Variants in RASGRP1 observed in about 807,000 individuals in gnomAD.
RASGRP1 encodes the protein RAS guanyl-releasing protein 1.
A neutral mutation model predicts 95.1 loss-of-function variants in RASGRP1; 37 were observed. That is an observed-to-expected ratio of 0.39 (90% CI 0.30 to 0.51). RASGRP1 has a LOEUF of 0.51. RASGRP1 is among the 20% of genes least tolerant of loss of function. RASGRP1 has a pLI of 0.80. For missense variants in RASGRP1, 711 were observed against 965.4 expected (o/e 0.74, Z 3.49); for synonymous variants, 325 against 353.4 (o/e 0.92, Z 0.90).
chr15:38,536,553 A>G (rs546170042), intron 2 of RASGRP1, among the ~76,000 whole-genome samples: 2 of 152,208 alleles, frequency 1.3e-5, no homozygotes, highest in Non-Finnish European at 2.9e-5. Context: ...ACAAAATAAT[A>G]TAAGGCCCAT....
At position 38,507,798 on chromosome 15, in the gene RASGRP1, G is replaced by A. The variant is rs1891322263; in HGVS notation, c.1170C>T (p.Ile390=). 1.2e-6 allele frequency: 2 copies of A among 1,611,312 alleles called. No individual in the cohort carries two copies. The highest frequency in any genetic ancestry group is 3.3e-5 in the Admixed American group (2 of 59,744). The change falls in exon 9 of 17, where the codon ATC becomes ATT. Residue 390 remains isoleucine, a synonymous_variant. Coordinates refer to ENST00000310803, the MANE Select transcript of RASGRP1 (RefSeq NM_005739.4). ...VHKLLALYNH[I]SELVQLQEVA... is the part of the protein sequence containing the mutation. ...CCTCTTGCAGCTGGACCAATTCACT[G>A]ATATGATTGTATAGGGCCAGTAGCT...
chr15:38,499,049 G>C lies in RASGRP1; in HGVS notation c.1721-103C>G, dbSNP rs533102381. 2.8e-4 allele frequency: 405 copies of C among 1,454,888 alleles called. 1 individual carries two copies. The highest frequency in any genetic ancestry group is 3.7e-4 in the Non-Finnish European group (387 of 1,041,344). 90.1% of individuals were successfully genotyped at this position (1,454,888 alleles called of 1,614,324 possible). On this transcript the variant is annotated intron_variant, in intron 14 of 16. Transcript: ENST00000310803. ...CAGTGCTTTCTTGTCACACATGTCT[G>C]TTCTATCTTCTGGAGCTAAGACACT...
chr15:38,560,925 T>C (rs996805093), intron 1 of RASGRP1, among the ~76,000 whole-genome samples: 5 of 152,184 alleles, frequency 3.3e-5, no homozygotes, highest in Non-Finnish European at 7.3e-5. Flanking sequence ...GTACAAGTCA[T>C]TTTGCGAAAT....
intron 2 of RASGRP1, among the ~76,000 whole-genome samples, chr15:38,538,559 G>A (rs902352173): frequency 1.3e-5 from 2 of 152,286 alleles, no homozygotes; most frequent in East Asian, 3.9e-4. Flanking sequence ...CAGCCTTTAC[G>A]TATATTAACC....
In RASGRP1 at chr15:38,510,044, CAA is replaced by C. The variant is rs758551279; in HGVS notation, c.966+1558_966+1559del. On this transcript the variant is annotated intron_variant, in intron 8 of 16. Transcript: ENST00000310803. The stretch of plus-strand genomic sequence containing the variant: ...CTAGGCATGGAAGGGGCTCACAAGA[CAA>C]GAGTGTAACAGCAAAAATGATAAAG... Among the ~76,000 whole-genome samples, 6 of 152,282 alleles carry C rather than the reference CAA, an allele frequency of 3.9e-5. No homozygotes were observed. The Middle Eastern group carries it at 0.01, about 259-fold the overall frequency.
intron 2 of RASGRP1, among the ~76,000 whole-genome samples, chr15:38,559,233 G>A (rs983877652): frequency 1.3e-5 from 2 of 152,120 alleles, no homozygotes; most frequent in Non-Finnish European, 2.9e-5. Flanking sequence ...CCCTCATGGT[G>A]GGCAAAGGTG....
intron 2 of RASGRP1, among the ~76,000 whole-genome samples, chr15:38,535,872 A>G (rs976832936): frequency 2.6e-5 from 4 of 152,180 alleles, no homozygotes; most frequent in African/African-American, 9.7e-5. Context: ...ATGTCTGAAG[A>G]ATCATGAGTC....
intron 7 of RASGRP1, among the ~76,000 whole-genome samples, chr15:38,512,392 T>G (rs770563785): frequency 1.3e-5 from 2 of 152,232 alleles, no homozygotes; most frequent in Non-Finnish European, 2.9e-5. Context: ...CATTCAGCAC[T>G]GCATGGGCTT....
chr15:38,552,803 C>T (rs1287413633), intron 2 of RASGRP1, among the ~76,000 whole-genome samples: 1 of 152,156 alleles, frequency 6.6e-6, no homozygotes, highest in East Asian at 1.9e-4. Flanking sequence ...CTCTTGTGAG[C>T]TGGTATGAGC....
chr15:38,540,165 C>T (rs1197934873), intron 2 of RASGRP1, among the ~76,000 whole-genome samples: 21 of 152,162 alleles, frequency 1.4e-4, no homozygotes, highest in African/African-American at 4.8e-4. Flanking sequence ...TGGGCTCAAG[C>T]GATCCTCCCA....
chr15:38,519,334 A>G lies in RASGRP1; in HGVS notation c.364T>C (p.Cys122Arg). 6.5e-7 allele frequency: 1 copy of G among 1,530,768 alleles called. No individual in the cohort carries two copies. The highest frequency in any genetic ancestry group is 1.7e-5 in the Admixed American group (1 of 59,760). 94.8% of individuals were successfully genotyped at this position (1,530,768 alleles called of 1,614,324 possible). ...DALAKNSPGL[C>R]LKICYFVRYW... ...CTTACAAAATAACAGATCTTCAGGC[A>G]AAGTCCTGGTGAATTCTTTGCCAAA... Residue 122 changes from cysteine to arginine, a missense_variant, in exon 4 of 17, where the codon TGC becomes CGC. This residue lies in a region of RASGRP1 where 491 missense variants were observed against 676.6 expected (regional missense o/e 0.73). Coordinates refer to ENST00000310803, the MANE Select transcript of RASGRP1 (RefSeq NM_005739.4).
At chr15:38,514,285 C>T (rs992457222) in intron 6 of RASGRP1, among the ~76,000 whole-genome samples, 2 of 152,178 alleles carry the variant, frequency 1.3e-5, no homozygotes, top group African/African-American at 4.8e-5. Context: ...GGACCAAAAT[C>T]GCTCCTTAAG....
chr15:38,527,423 G>C (rs774531428), intron 2 of RASGRP1, among the ~76,000 whole-genome samples: 2 of 152,142 alleles, frequency 1.3e-5, no homozygotes, highest in Non-Finnish European at 2.9e-5. Flanking sequence ...ACCAGCTCTC[G>C]TTGGATCTAA....
At position 38,559,813 on chromosome 15, in the gene RASGRP1, C is replaced by T. The variant is rs377739561; in HGVS notation, c.220+8G>A. 2.5e-6 allele frequency: 4 copies of T among 1,612,016 alleles called. No individual in the cohort carries two copies. Among genetic ancestry groups the T allele is most frequent in the South Asian group, 2.2e-5 (2 of 90,952 alleles). ...ATTTTTATGCCTGTGGGCAGTTAGC[C>T]AACTTACCAAAAGATTGAATGCAGC... On this transcript the variant is annotated splice_region_variant and intron_variant, in intron 2 of 16. Transcript: ENST00000310803.
At chr15:38,523,819 T>G (rs1566924708) in intron 3 of RASGRP1, among the ~76,000 whole-genome samples, 1 of 152,216 alleles carries the variant, frequency 6.6e-6, no homozygotes, top group Non-Finnish European at 1.5e-5. Context: ...CTGTACAGGT[T>G]TGTAGCCTAG....
chr15:38,543,888 A>G (rs566281070), intron 2 of RASGRP1, among the ~76,000 whole-genome samples: 1 of 151,602 alleles, frequency 6.6e-6, no homozygotes, highest in South Asian at 2.1e-4. Flanking sequence ...GTCATCTCTG[A>G]GTTCATTTCT....
chr15:38,530,447 A>G (rs544874000), intron 2 of RASGRP1, among the ~76,000 whole-genome samples: 1 of 152,346 alleles, frequency 6.6e-6, no homozygotes, highest in East Asian at 1.9e-4. Flanking sequence ...CAATAATGCA[A>G]TCAAACCTAC....
intron 2 of RASGRP1, among the ~76,000 whole-genome samples, chr15:38,557,280 T>C (rs531316401): frequency 6.6e-6 from 1 of 152,214 alleles, no homozygotes; most frequent in South Asian, 2.1e-4. Context: ...ATGGGTCAAC[T>C]GATAACCAAA....
In RASGRP1 at chr15:38,559,964, A is replaced by G; in HGVS notation, c.77T>C (p.Leu26Pro). Residue 26 changes from leucine (L) to proline (P), a missense_variant, in exon 2 of 17, where the codon CTA (leucine) becomes CCA (proline). This residue lies in a region of RASGRP1 where 491 missense variants were observed against 676.6 expected (regional missense o/e 0.73). Transcript: ENST00000310803. ...HGCRAASKAR[L>P]EAKPANSPFP... ...GGGGCTGTTGGCTGGCTTTGCCTCT[A>G]GTCTTGCTTTAGAGGCAGCTCTGCA... The G allele has an allele frequency of 6.2e-7, 1 of 1,613,506 alleles. No homozygotes were observed. The highest frequency in any genetic ancestry group is 8.5e-7 in the Non-Finnish European group (1 of 1,179,722).
Sources: allele counts gnomAD v4.1 joint callset (sites outside exome capture counted in the v4.1 genomes callset), GRCh38; gene constraint gnomAD v4.1.1; regional missense constraint gnomAD v4.1.1; transcripts MANE v1.5; gene names NCBI Gene and HGNC (gene_info 2026-07-23, HGNC 2026-07-21).